Variants in R3HCC1L observed in about 807,000 individuals in gnomAD.
R3HCC1L encodes coiled-coil domain-containing protein R3HCC1L.
A neutral mutation model predicts 59.9 loss-of-function variants in R3HCC1L; 51 were observed. The observed-to-expected ratio is 0.85, with a 90% confidence interval of 0.68 to 1.07. The LOEUF (loss-of-function observed/expected upper bound fraction) is 1.07. R3HCC1L is among the 50% of genes least tolerant of loss of function. The probability of loss-of-function intolerance (pLI) is 0.00; values close to 1 mark genes in which losing one functional copy is unlikely to be tolerated. For missense variants in R3HCC1L, 965 were observed against 933.0 expected (o/e 1.03, Z -0.45); for synonymous variants, 322 against 315.2 (o/e 1.02, Z -0.23).
intron 4 of R3HCC1L, among the ~76,000 whole-genome samples, chr10:98,196,915 C>T (rs188686803): frequency 7.2e-5 from 11 of 152,180 alleles, no homozygotes; most frequent in Admixed American, 4.6e-4. Context: ...CTGACTTCTC[C>T]GCCCCTTCTT....
chr10:98,200,019 G>T (rs975025987), intron 4 of R3HCC1L, among the ~76,000 whole-genome samples: 1 of 151,996 alleles, frequency 6.6e-6, no homozygotes, highest in South Asian at 2.1e-4. Flanking sequence ...AGTTTCTCAA[G>T]ATATTTTCTT....
chr10:98,158,616 C>T (rs1847109344), intron 2 of R3HCC1L, among the ~76,000 whole-genome samples: 1 of 152,160 alleles, frequency 6.6e-6, no homozygotes, highest in South Asian at 2.1e-4. Flanking sequence ...GTATATAAGC[C>T]ACAGTATAGT....
rs190165213 is a variant in R3HCC1L at position 98,216,323 on chromosome 10, A to G, written c.1785+6424A>G. On this transcript the variant is annotated intron_variant, in intron 5 of 9. Transcript: ENST00000298999. ...GAGTGCAGGAGTTTGAGACCACCCT[A>G]GGCAACATGGCAAAACCTCATCTCT... 3.6e-3 allele frequency among the ~76,000 whole-genome samples: 550 copies of G among 152,126 alleles called. 1 individual carries two copies. Among genetic ancestry groups the G allele is most frequent in the African/African-American group, 0.013 (529 of 41,518 alleles).
chr10:98,157,662 A>G (rs1030294688), intron 2 of R3HCC1L, among the ~76,000 whole-genome samples: 6 of 152,208 alleles, frequency 3.9e-5, no homozygotes, highest in African/African-American at 1.4e-4. Context: ...TCATCAATAT[A>G]TAACTTCCAA....
At chr10:98,235,200 T>C (rs1044873749) in intron 7 of R3HCC1L, among the ~76,000 whole-genome samples, 2 of 152,200 alleles carry the variant, frequency 1.3e-5, no homozygotes, top group African/African-American at 4.8e-5. Context: ...AAAATTACTT[T>C]GTAAATAAAT....
intron 1 of R3HCC1L, among the ~76,000 whole-genome samples, chr10:98,145,732 C>T (rs577126982): frequency 1.9e-4 from 29 of 152,214 alleles, no homozygotes; most frequent in African/African-American, 6.3e-4. Context: ...CAGCGGATCA[C>T]GAGGTCAGGA....
At chr10:98,184,465 G>A (rs1285551122) in intron 4 of R3HCC1L, among the ~76,000 whole-genome samples, 1 of 152,126 alleles carries the variant, frequency 6.6e-6, no homozygotes, top group Non-Finnish European at 1.5e-5. Flanking sequence ...CAGGTTTGTA[G>A]CCTAAGACCA....
chr10:98,212,001 A>T (rs918985636), intron 5 of R3HCC1L, among the ~76,000 whole-genome samples: 1 of 152,140 alleles, frequency 6.6e-6, no homozygotes, highest in South Asian at 2.1e-4. Context: ...TAAGCTGAAG[A>T]TGGACAGTGT....
In R3HCC1L at chr10:98,209,198, GAT is replaced by G; in HGVS notation, c.1086_1087del (p.Asp362GlufsTer4). On this transcript the variant is annotated frameshift_variant, in exon 5 of 10. Coordinates refer to ENST00000298999, the MANE Select transcript of R3HCC1L (RefSeq NM_001351015.2). LOFTEE classifies it high-confidence loss of function. ...TAVLAHETHR[D>X]SGFKNVGDIT... ...TGTCCTTGCTCATGAAACACATAGA[GAT>G]AGTGGATTTAAGAATGTAGGTGACA... 3 of 1,613,808 alleles carry G rather than the reference GAT, an allele frequency of 1.9e-6. No homozygotes were observed. The highest frequency in any genetic ancestry group is 2.5e-6 in the Non-Finnish European group (3 of 1,179,982).
At chr10:98,243,971 TAA>T in intron 9 of R3HCC1L, 118 bp from the exon 10 acceptor site, 1 of 768,124 alleles carries the variant, frequency 1.3e-6, no homozygotes, top group Non-Finnish European at 2.2e-6. Flanking sequence ...TGTTATCAGG[TAA>T]GAGAGACCAG....
In R3HCC1L at chr10:98,209,712, A is replaced by G. The variant is rs371232521; in HGVS notation, c.1598A>G (p.Gln533Arg). Residue 533 changes from glutamine (Q) to arginine (R), a missense_variant, in exon 5 of 10, where the codon CAA becomes CGA. Gln to Arg is a conservative substitution (Grantham distance 43). Coordinates refer to ENST00000298999, the MANE Select transcript of R3HCC1L (RefSeq NM_001351015.2). ...GCCGAAGAGTTCAAAACAGAAGAGC[A>G]AGATGACTCAGGGAGTATAGAATTT... Reference protein sequence around the residue: ...RTAEEFKTEEQDDSGSIEFGV... With the variant: ...RTAEEFKTEERDDSGSIEFGV... The G allele has an allele frequency of 4.3e-6, 7 of 1,613,920 alleles. No homozygotes were observed. Among genetic ancestry groups the G allele is most frequent in the Admixed American group, 3.3e-5 (2 of 59,996 alleles).
intron 5 of R3HCC1L, 27 bp downstream of exon 5, chr10:98,209,926 C>T (rs767003302): frequency 6.5e-7 from 1 of 1,542,294 alleles, no homozygotes; most frequent in Non-Finnish European, 8.9e-7. Context: ...TTGCTTGATG[C>T]TTAGTTAGTT....
At chr10:98,175,636 A>AT (rs1370088825) in intron 4 of R3HCC1L, among the ~76,000 whole-genome samples, 1 of 152,048 alleles carries the variant, frequency 6.6e-6, no homozygotes, top group Non-Finnish European at 1.5e-5. Context: ...AGTATTCTTA[A>AT]ATTATTTTGT....
In R3HCC1L at chr10:98,208,762, A is replaced by T; in HGVS notation, c.648A>T (p.Ile216=). The T allele has an allele frequency of 6.2e-7, 1 of 1,614,118 alleles. No individual in the cohort carries two copies. Among genetic ancestry groups the T allele is most frequent in the Non-Finnish European group, 8.5e-7 (1 of 1,179,998 alleles). The change falls in exon 5 of 10, where the codon ATA becomes ATT. Residue 216 remains isoleucine (I), a synonymous_variant. Coordinates refer to ENST00000298999, the MANE Select transcript of R3HCC1L (RefSeq NM_001351015.2). ...AAACTGATACCAAGGTTTTGGAGAT[A>T]CTATATGAGTTTCCTAGAGTTTTTA... ...RIETDTKVLE[I]LYEFPRVFSS...
rs767990732 is a variant in R3HCC1L, at chr10:98,231,667, A to G, written c.1941A>G (p.Leu647=). 1.2e-5 allele frequency: 19 copies of G among 1,610,496 alleles called. No individual in the cohort carries two copies. Among genetic ancestry groups the G allele is most frequent in the South Asian group, 1.1e-4 (10 of 90,648 alleles). The change falls in exon 6 of 10, where the codon CTA becomes CTG. Residue 647 remains leucine (L), a synonymous_variant. Coordinates refer to ENST00000298999, the MANE Select transcript of R3HCC1L (RefSeq NM_001351015.2). ...AAGAATTTCATACTGAAGACCTTCTACGGGTTTTCTGCAGTTATCAGTGAG... is the reference window on the plus strand; with the variant it reads ...AAGAATTTCATACTGAAGACCTTCTGCGGGTTTTCTGCAGTTATCAGTGAG... The part of the protein sequence containing the change: ...FPQEFHTEDL[L]RVFCSYQKKG...
rs772100061 is a variant in R3HCC1L, at chr10:98,236,073, CAGA to C, written c.2181_2183del (p.Arg728del). ...GTCCTGAGACTTCAGCAGCCCTAGC[CAGA>C]AGGTTAGTCATCAGTGCCCTTGGGG... On this transcript the variant is annotated inframe_deletion, in exon 9 of 10. Transcript: ENST00000298999. The C allele has an allele frequency of 3.7e-6, 6 of 1,613,972 alleles. No homozygotes were observed. The highest frequency in any genetic ancestry group is 5.1e-6 in the Non-Finnish European group (6 of 1,179,888).
chr10:98,160,820 CATG>C (rs1847343951), intron 2 of R3HCC1L, among the ~76,000 whole-genome samples: 1 of 152,198 alleles, frequency 6.6e-6, no homozygotes, highest in Non-Finnish European at 1.5e-5. Context: ...TTACCAATCT[CATG>C]ATTCCACCAG....
chr10:98,236,237 G>T (rs1330348715), intron 9 of R3HCC1L, 73 bp downstream of exon 9: 13 of 1,540,704 alleles, frequency 8.4e-6, no homozygotes, highest in Admixed American at 2.1e-5. Context: ...AAAAAAAAAT[G>T]AATGAAGCCC....
intron 4 of R3HCC1L, among the ~76,000 whole-genome samples, chr10:98,200,054 T>C (rs1323423532): frequency 1.3e-5 from 2 of 152,102 alleles, no homozygotes; most frequent in Admixed American, 6.5e-5. Context: ...TCTTATTCTA[T>C]CATCGTCCTT....
Sources: gnomAD v4.1 joint callset for allele counts (sites outside exome capture counted in the v4.1 genomes callset) on GRCh38, gnomAD v4.1.1 for gene constraint, MANE v1.5 for transcripts, NCBI Gene and HGNC (gene_info 2026-07-23, HGNC 2026-07-21) for gene names.